The following ENOX1 variants were observed in gnomAD, a reference collection of about 807,000 sequenced individuals.
The protein encoded by ENOX1 is candidate growth-related and time keeping constitutive hydroquinone (NADH) oxidase.
In ENOX1, 42 loss-of-function variants were observed where a neutral mutation model predicts 82.5. That is an observed-to-expected ratio of 0.51 (90% CI 0.40 to 0.66). The LOEUF (loss-of-function observed/expected upper bound fraction) is 0.66, where lower values mean the gene tolerates loss of function less well. ENOX1 is among the 30% of genes least tolerant of loss of function. ENOX1 has a pLI of 0.00. For missense variants in ENOX1, 608 were observed against 811.6 expected (o/e 0.75, Z 3.05); for synonymous variants, 271 against 282.2 (o/e 0.96, Z 0.40).
chr13:43,512,055 A>G (rs1326562851), intron 2 of ENOX1, among the ~76,000 whole-genome samples: 1 of 152,156 alleles, frequency 6.6e-6, no homozygotes, highest in African/African-American at 2.4e-5. Context: ...ATCTACGAAT[A>G]CTGTATGTAG....
chr13:43,593,058 T>C (rs1000854601), intron 2 of ENOX1, among the ~76,000 whole-genome samples: 3 of 152,196 alleles, frequency 2.0e-5, no homozygotes, highest in African/African-American at 7.2e-5. Context: ...ACAGAATACA[T>C]GCCAACTAAT....
intron 1 of ENOX1, among the ~76,000 whole-genome samples, chr13:43,741,524 A>C (rs1165849447): frequency 6.6e-6 from 1 of 152,160 alleles, no homozygotes; most frequent in African/African-American, 2.4e-5. Context: ...TACATTTCAG[A>C]GACTGAGTAC....
chr13:43,514,662 T>C (rs1260133719), intron 2 of ENOX1, among the ~76,000 whole-genome samples: 2 of 152,178 alleles, frequency 1.3e-5, no homozygotes. Flanking sequence ...TCTAAAGCGA[T>C]ATGGCAAAAC....
At chr13:43,530,442 G>C (rs1417277135) in intron 2 of ENOX1, among the ~76,000 whole-genome samples, 1 of 152,016 alleles carries the variant, frequency 6.6e-6, no homozygotes, top group Non-Finnish European at 1.5e-5. Flanking sequence ...TCATGCAAGT[G>C]GTACTAAGAA....
chr13:43,501,196 CAAAAT>C (rs2076968996), intron 2 of ENOX1, among the ~76,000 whole-genome samples: 1 of 151,142 alleles, frequency 6.6e-6, no homozygotes, highest in Non-Finnish European at 1.5e-5. Flanking sequence ...AAACAGTAAA[CAAAAT>C]AAAGCAGGGG....
intron 14 of ENOX1, among the ~76,000 whole-genome samples, chr13:43,239,820 T>TG (rs1272534283): frequency 6.6e-6 from 1 of 152,228 alleles, no homozygotes; most frequent in Non-Finnish European, 1.5e-5. Context: ...ATGTTGTAGT[T>TG]TTACCTTTTC....
At chr13:43,486,079 G>A (rs113818237) in intron 2 of ENOX1, among the ~76,000 whole-genome samples, 216 of 152,256 alleles carry the variant, frequency 1.4e-3, no homozygotes, top group African/African-American at 5.0e-3. Flanking sequence ...GCATGGTGGC[G>A]GGTGCCTGTA....
At chr13:43,501,982 C>G (rs1156880124) in intron 2 of ENOX1, among the ~76,000 whole-genome samples, 2 of 151,162 alleles carry the variant, frequency 1.3e-5, no homozygotes, top group African/African-American at 4.8e-5. Flanking sequence ...ATAAAATACA[C>G]AAATTCTTGC....
chr13:43,439,386 G>A (rs953072522), intron 3 of ENOX1, among the ~76,000 whole-genome samples: 1 of 151,994 alleles, frequency 6.6e-6, no homozygotes, highest in Non-Finnish European at 1.5e-5. Context: ...ATTTTTAATA[G>A]AGACAGGGTT....
At chr13:43,726,875 G>A (rs899106787) in intron 1 of ENOX1, among the ~76,000 whole-genome samples, 1 of 152,054 alleles carries the variant, frequency 6.6e-6, no homozygotes, top group Non-Finnish European at 1.5e-5. Flanking sequence ...CCGAGGAGCT[G>A]GGATTACAGG....
intron 1 of ENOX1, among the ~76,000 whole-genome samples, chr13:43,761,163 C>T (rs572887179): frequency 1.7e-4 from 26 of 152,034 alleles, no homozygotes; most frequent in East Asian, 1.4e-3. Flanking sequence ...ACAATGCTCC[C>T]GGAGCAGAGA....
intron 14 of ENOX1, among the ~76,000 whole-genome samples, chr13:43,251,436 T>C (rs1173534888): frequency 6.6e-6 from 1 of 152,208 alleles, no homozygotes; most frequent in African/African-American, 2.4e-5. Context: ...TCTACCTGCA[T>C]AGGCTCATTA....
chr13:43,707,163 T>C (rs1019886353), intron 1 of ENOX1, among the ~76,000 whole-genome samples: 9 of 151,858 alleles, frequency 5.9e-5, no homozygotes, highest in Non-Finnish European at 1.0e-4. Context: ...CTATTAAAAA[T>C]TGCATAATAA....
intron 2 of ENOX1, among the ~76,000 whole-genome samples, chr13:43,593,701 C>T: frequency 6.8e-6 from 1 of 148,036 alleles, no homozygotes; most frequent in Non-Finnish European, 1.5e-5. Flanking sequence ...CACACACACA[C>T]ACACACACAC....
At chr13:43,534,356 T>C (rs1437105817) in intron 2 of ENOX1, among the ~76,000 whole-genome samples, 1 of 152,124 alleles carries the variant, frequency 6.6e-6, no homozygotes, top group Non-Finnish European at 1.5e-5. Context: ...ACAGCCCTGA[T>C]GTCTACCCCT....
At chr13:43,502,393 A>T (rs1405285603) in intron 2 of ENOX1, among the ~76,000 whole-genome samples, 1 of 151,714 alleles carries the variant, frequency 6.6e-6, no homozygotes, top group African/African-American at 2.4e-5. Context: ...ACAAACCAAG[A>T]CAAAGATTCC....
chr13:43,401,224 G>C (rs1257556419), intron 5 of ENOX1, among the ~76,000 whole-genome samples: 4 of 152,032 alleles, frequency 2.6e-5, no homozygotes, highest in Non-Finnish European at 4.4e-5. Context: ...ACTTTAAAAA[G>C]ACTTTGTCTG....
intron 1 of ENOX1, among the ~76,000 whole-genome samples, chr13:43,760,409 G>A (rs1179104684): frequency 6.6e-6 from 1 of 152,140 alleles, no homozygotes; most frequent in African/African-American, 2.4e-5. Context: ...GGAAGACACA[G>A]AACTCTCTGA....
intron 12 of ENOX1, among the ~76,000 whole-genome samples, chr13:43,280,675 A>G (rs1159343883): frequency 6.6e-6 from 1 of 152,240 alleles, no homozygotes; most frequent in African/African-American, 2.4e-5. Context: ...TGTATCACCT[A>G]TATTACTTAA....
Sources: allele counts gnomAD v4.1 joint callset (sites outside exome capture counted in the v4.1 genomes callset), GRCh38; gene constraint gnomAD v4.1.1; transcripts MANE v1.5; gene names NCBI Gene and HGNC (gene_info 2026-07-23, HGNC 2026-07-21).